The following ZZEF1 variants were observed in gnomAD, a reference collection of about 807,000 sequenced individuals.
ZZEF1 encodes zinc finger ZZ-type and EF-hand domain-containing protein 1.
In ZZEF1, 157 loss-of-function variants were observed where a neutral mutation model predicts 342.8. That is an observed-to-expected ratio of 0.46 (90% CI 0.40 to 0.52). The LOEUF (loss-of-function observed/expected upper bound fraction) is 0.52, where lower values mean the gene tolerates loss of function less well. Among genes scored for constraint, ZZEF1 ranks in the 20% least tolerant of loss-of-function variants. ZZEF1 has a pLI of 0.00. For missense variants in ZZEF1, 3,480 were observed against 3,725.6 expected, an observed-to-expected ratio of 0.93 and a Z score of 1.72; for synonymous variants, 1,505 against 1,429.1, an observed-to-expected ratio of 1.05 and a Z score of -1.20.
intron 11 of ZZEF1, 57 bp downstream of exon 11, chr17:4,095,774 C>G (rs1161921250): frequency 1.1e-5 from 17 of 1,530,654 alleles, no homozygotes; most frequent in Non-Finnish European, 1.5e-5. Flanking sequence ...TTCTTATTAA[C>G]TACAAAGATT....
chr17:4,050,904 C>G lies in ZZEF1; in HGVS notation c.5740G>C (p.Ala1914Pro). The change falls in exon 36 of 55, where the codon GCC becomes CCC. Residue 1914 changes from alanine to proline, a missense_variant. Ala to Pro is a conservative substitution (Grantham distance 27). Around this residue, in one of 5 missense-constraint regions of ZZEF1, gnomAD observed 1,269 missense variants for 1,342.4 expected, o/e 0.95. Coordinates refer to ENST00000381638, the MANE Select transcript of ZZEF1 (RefSeq NM_015113.4). ...TCCCCATCCACATCCTCTGCACTGG[C>G]CAGGTGGGCGCTATAGAGAGCCAGG... ...AALALYSAHL[A>P]SAEDVDGEKL... The G allele has an allele frequency of 6.2e-7, 1 of 1,614,186 alleles. No individual in the cohort carries two copies. Among genetic ancestry groups the G allele is most frequent in the Non-Finnish European group, 8.5e-7 (1 of 1,180,032 alleles).
At chr17:4,089,230 G>C (rs2057898652) in intron 12 of ZZEF1, among the ~76,000 whole-genome samples, 1 of 152,092 alleles carries the variant, frequency 6.6e-6, no homozygotes, top group Admixed American at 6.6e-5. Flanking sequence ...GATATAAGAC[G>C]AAAACAGTCA....
intron 30 of ZZEF1, among the ~76,000 whole-genome samples, chr17:4,059,546 T>A (rs1232102126): frequency 6.6e-6 from 1 of 152,000 alleles, no homozygotes; most frequent in Non-Finnish European, 1.5e-5. Context: ...TATAAACCCA[T>A]CCCTCCCACC....
In ZZEF1 at chr17:4,049,587, G is replaced by A. The variant is rs574251986; in HGVS notation, c.6015+121C>T. The A allele has an allele frequency of 2.4e-5, 28 of 1,145,006 alleles. No homozygotes were observed. In the African/African-American group the frequency reaches 4.4e-4, roughly 18 times the overall value. The allele number at this position is 1,145,006 out of a possible 1,614,324, so 70.9% of individuals were successfully genotyped here. On this transcript the variant is annotated intron_variant, in intron 37 of 54. Transcript: ENST00000381638. ...GCCCAAGGTTTGATGGAGCAGGCAT[G>A]TGAATCCAGCAGTCTGGGTTAGGAG...
In ZZEF1 at chr17:4,052,032, T is replaced by G. The variant is rs751805333; in HGVS notation, c.5539A>C (p.Asn1847His). 1.4e-5 allele frequency: 22 copies of G among 1,614,176 alleles called. No individual in the cohort carries two copies. The highest frequency in any genetic ancestry group is 1.9e-5 in the Non-Finnish European group (22 of 1,180,022). The change falls in exon 35 of 55, where the codon AAT (asparagine) becomes CAT (histidine). Residue 1847 changes from asparagine (N) to histidine (H), a missense_variant. By Grantham distance (68) the Asn-to-His change is moderately conservative (BLOSUM62 1). This residue lies in a region of ZZEF1 where 175 missense variants were observed against 254.6 expected (regional missense o/e 0.69). Transcript: ENST00000381638. ...CAAAGATCAAAGTCATCGCAAACAT[T>G]GCAGTTCATCCTCCGGCCTATGATC... The part of the protein sequence containing the change: ...GLIIGRRMNC[N>H]VCDDFDLCYG...
intron 11 of ZZEF1, among the ~76,000 whole-genome samples, chr17:4,095,159 C>T (rs1317125512): frequency 6.6e-6 from 1 of 152,156 alleles, no homozygotes; most frequent in Non-Finnish European, 1.5e-5. Context: ...TGCCATGCTT[C>T]ACCTCTGGGC....
intron 11 of ZZEF1, among the ~76,000 whole-genome samples, chr17:4,093,005 T>C (rs1255432797): frequency 6.6e-6 from 1 of 151,958 alleles, no homozygotes; most frequent in East Asian, 1.9e-4. Flanking sequence ...CATTAATATT[T>C]TGATTTCCAA....
intron 37 of ZZEF1, among the ~76,000 whole-genome samples, chr17:4,049,392 G>A (rs2056995779): frequency 6.6e-6 from 1 of 152,072 alleles, no homozygotes; most frequent in South Asian, 2.1e-4. Context: ...CATGCCTGCG[G>A]CCCCAGGTAC....
intron 1 of ZZEF1, among the ~76,000 whole-genome samples, chr17:4,127,658 G>A (rs2058593370): frequency 6.6e-6 from 1 of 152,096 alleles, no homozygotes. Context: ...AGAGCAGTAT[G>A]GCGTGTGGAC....
chr17:4,057,955 C>T, intron 32 of ZZEF1, 39 bp downstream of exon 32: 1 of 1,594,048 alleles, frequency 6.3e-7, no homozygotes. Context: ...GTTTCATAAC[C>T]TACATTAGGA....
At chr17:4,059,504 A>T (rs1481654695) in intron 30 of ZZEF1, among the ~76,000 whole-genome samples, 1 of 152,210 alleles carries the variant, frequency 6.6e-6, no homozygotes, top group Non-Finnish European at 1.5e-5. Flanking sequence ...ACCCAGAAGC[A>T]TGGAGATGAG....
At chr17:4,116,455 T>C (rs2058395185) in intron 3 of ZZEF1, among the ~76,000 whole-genome samples, 2 of 152,262 alleles carry the variant, frequency 1.3e-5, no homozygotes, top group South Asian at 4.1e-4. Context: ...TCGGCGTCTA[T>C]GCCTGGGCTC....
rs1351833425 is a variant in ZZEF1 at position 4,022,808 on chromosome 17, G to C, written c.7113C>G (p.Ile2371Met). 1.9e-6 allele frequency: 3 copies of C among 1,613,802 alleles called. No individual in the cohort carries two copies. The highest frequency in any genetic ancestry group is 1.7e-5 in the Admixed American group (1 of 59,978). The change falls in exon 44 of 55, where the codon ATC becomes ATG. Residue 2371 changes from isoleucine (I) to methionine (M), a missense_variant. Physicochemically the swap from Ile to Met is conservative, Grantham distance 10 (BLOSUM62 1). Transcript: ENST00000381638. ...KTLKAHGFEE[I>M]RATFLQTDLL... ...AATCGGTCTGAAGGAAAGTAGCACG[G>C]ATCTCCTCAAAACCGTGAGCCTGCC...
chr17:4,100,578 A>G (rs2058110209), intron 9 of ZZEF1, among the ~76,000 whole-genome samples: 1 of 152,190 alleles, frequency 6.6e-6, no homozygotes, highest in Non-Finnish European at 1.5e-5. Flanking sequence ...GCCCGTGAAC[A>G]ATGTTAAAAA....
At chr17:4,020,279 T>C (rs2056235126) in intron 45 of ZZEF1, among the ~76,000 whole-genome samples, 1 of 152,236 alleles carries the variant, frequency 6.6e-6, no homozygotes, top group Non-Finnish European at 1.5e-5. Flanking sequence ...GCAATGTTGA[T>C]CAAAGTAGTT....
chr17:4,076,962 C>G lies in ZZEF1; in HGVS notation c.3017G>C (p.Arg1006Thr). ...KYVGQFLASM[R>T]AILESLFSQY... Reference sequence around the variant, plus strand: ...TGAGAAAAGGGATTCCAAAATCGCTCTCATGCTTGCCAGAAACTGGCCCAC... The same window carrying G: ...TGAGAAAAGGGATTCCAAAATCGCTGTCATGCTTGCCAGAAACTGGCCCAC... The change falls in exon 20 of 55, where the codon AGA (arginine) becomes ACA (threonine). Residue 1006 changes from arginine to threonine, a missense_variant. By Grantham distance (71) the Arg-to-Thr change is moderately conservative. Coordinates refer to ENST00000381638, the MANE Select transcript of ZZEF1 (RefSeq NM_015113.4). 2 of 1,613,852 alleles carry G rather than the reference C, an allele frequency of 1.2e-6. No individual in the cohort carries two copies.
At chr17:4,087,601 TCA>T in intron 13 of ZZEF1, 67 bp from the exon 14 acceptor site, 1 of 1,334,302 alleles carries the variant, frequency 7.5e-7, no homozygotes, top group Non-Finnish European at 1.0e-6. Context: ...CTGTAATGCC[TCA>T]TTTACTTCTA....
rs1208069049 is a variant in ZZEF1 at position 4,064,531 on chromosome 17, G to C, written c.4548C>G (p.Pro1516=). 6 of 1,614,210 alleles carry C rather than the reference G, an allele frequency of 3.7e-6. 1 individual carries two copies. Among genetic ancestry groups the C allele is most frequent in the Middle Eastern group, 1.7e-4 (1 of 6,060 alleles). The change falls in exon 29 of 55, where the codon CCC becomes CCG. Residue 1516 remains proline, a synonymous_variant. Transcript: ENST00000381638. The part of the protein sequence containing the change: ...ADVSPATAEE[P]LSPSTPTRRP... ...GGCGGGTGGGTGTGGAAGGTGACAA[G>C]GGCTCTTCAGCTGTGGCAGGGGACA...
At chr17:4,054,906 T>A (rs781846) in intron 33 of ZZEF1, among the ~76,000 whole-genome samples, 17,194 of 151,958 alleles carry the variant, frequency 0.11, 1,290 homozygotes, top group African/African-American at 0.2. Context: ...GTGCGTAGAT[T>A]TGAGGTGTTG....
Sources: allele counts gnomAD v4.1 joint callset (sites outside exome capture counted in the v4.1 genomes callset), GRCh38; gene constraint gnomAD v4.1.1; regional missense constraint gnomAD v4.1.1; transcripts MANE v1.5; gene names NCBI Gene and HGNC (gene_info 2026-07-23, HGNC 2026-07-21).